HCRTR2: variants seen among roughly 807,000 people sequenced by gnomAD.
HCRTR2 encodes the protein hypocretin receptor 2.
In HCRTR2, 22 loss-of-function variants were observed where a neutral mutation model predicts 49.0. The ratio of observed to expected loss-of-function variants is 0.45; its 90% CI spans 0.32 to 0.64. The LOEUF (loss-of-function observed/expected upper bound fraction) is 0.64. Among genes scored for constraint, HCRTR2 ranks in the 30% least tolerant of loss-of-function variants. The pLI is 0.04. For missense variants in HCRTR2, 491 were observed against 559.4 expected, an observed-to-expected ratio of 0.88 and a Z score of 1.23; for synonymous variants, 236 against 205.3, an observed-to-expected ratio of 1.15 and a Z score of -1.28.
chr6:55,165,744 A>ATATATATATATATATAT, intron 1 of HCRTR2, among the ~76,000 whole-genome samples: 1 of 128,502 alleles, frequency 7.8e-6, no homozygotes, highest in South Asian at 2.5e-4. Context: ...TAGTATACAG[A>ATATATATATATATATAT]ATATATATAT....
At chr6:55,142,539 T>C (rs538652136) in intron 1 of HCRTR2, among the ~76,000 whole-genome samples, 2 of 152,178 alleles carry the variant, frequency 1.3e-5, no homozygotes, top group African/African-American at 2.4e-5. Context: ...AATATTTTTA[T>C]ATTTAATGCA....
At chr6:55,245,991 T>C (rs921034496) in intron 1 of HCRTR2, among the ~76,000 whole-genome samples, 1 of 152,012 alleles carries the variant, frequency 6.6e-6, no homozygotes, top group Non-Finnish European at 1.5e-5. Context: ...CTGGGATCCT[T>C]ATGAGATGAT....
chr6:55,119,620 ATG>A (rs891512934), intron 1 of HCRTR2, among the ~76,000 whole-genome samples: 23 of 91,984 alleles, frequency 2.5e-4, no homozygotes, highest in African/African-American at 8.7e-4. Flanking sequence ...TTCATTTTTG[ATG>A]TTTTTTTTTT....
chr6:55,223,682 C>G (rs1045414902), intron 1 of HCRTR2, among the ~76,000 whole-genome samples: 12 of 151,674 alleles, frequency 7.9e-5, no homozygotes, highest in Non-Finnish European at 2.9e-5. Context: ...GTTTTTCAAC[C>G]TCTATATGGC....
intron 1 of HCRTR2, among the ~76,000 whole-genome samples, chr6:55,111,207 A>G (rs1764044034): frequency 6.6e-6 from 1 of 152,054 alleles, no homozygotes; most frequent in Non-Finnish European, 1.5e-5. Context: ...AAATGCCTAC[A>G]TCAAAAAGTC....
At chr6:55,127,025 C>T (rs977924577) in intron 1 of HCRTR2, among the ~76,000 whole-genome samples, 1 of 152,088 alleles carries the variant, frequency 6.6e-6, no homozygotes, top group Non-Finnish European at 1.5e-5. Flanking sequence ...TGGGACCCAC[C>T]GAGCTGACCA....
intron 1 of HCRTR2, among the ~76,000 whole-genome samples, chr6:55,195,068 T>C (rs1156233432): frequency 1.3e-5 from 2 of 151,974 alleles, no homozygotes; most frequent in Non-Finnish European, 2.9e-5. Flanking sequence ...AGGAAAATGA[T>C]AATTATCAGA....
chr6:55,225,697 C>A (rs367898817), intron 1 of HCRTR2, among the ~76,000 whole-genome samples: 5 of 152,260 alleles, frequency 3.3e-5, no homozygotes, highest in African/African-American at 1.2e-4. Flanking sequence ...TTTTAAGATA[C>A]ATGAAGGTTA....
chr6:55,247,477 T>C (rs932951289), intron 1 of HCRTR2, among the ~76,000 whole-genome samples: 1 of 152,078 alleles, frequency 6.6e-6, no homozygotes, highest in Non-Finnish European at 1.5e-5. Flanking sequence ...CAAAATTAGG[T>C]TTTATTTATT....
chr6:55,186,480 G>A (rs1765217980), intron 1 of HCRTR2, among the ~76,000 whole-genome samples: 1 of 152,164 alleles, frequency 6.6e-6, no homozygotes, highest in Admixed American at 6.5e-5. Flanking sequence ...ACATGACTAA[G>A]TGATTTATAC....
chr6:55,203,977 A>G (rs1412009413), intron 1 of HCRTR2, among the ~76,000 whole-genome samples: 2 of 152,160 alleles, frequency 1.3e-5, no homozygotes, highest in Admixed American at 6.5e-5. Flanking sequence ...CTTTTGCTGA[A>G]TTGAAAATTG....
chr6:55,163,135 G>A (rs1012506701), intron 1 of HCRTR2, among the ~76,000 whole-genome samples: 3 of 152,010 alleles, frequency 2.0e-5, no homozygotes, highest in Non-Finnish European at 4.4e-5. Flanking sequence ...ACTTGGAGAG[G>A]CTGAGGCAGG....
In HCRTR2 at chr6:55,263,178, A is replaced by G. The variant is rs73443269; in HGVS notation, c.647-529A>G. Among the ~76,000 whole-genome samples, 503 of 152,188 alleles carry G rather than the reference A, an allele frequency of 3.3e-3. 1 individual carries two copies. Among genetic ancestry groups the G allele is most frequent in the African/African-American group, 0.011 (471 of 41,544 alleles). On this transcript the variant is annotated intron_variant, in intron 3 of 6. Coordinates refer to ENST00000370862, the MANE Select transcript of HCRTR2 (RefSeq NM_001384272.1). ...CAAATTTGTATTGTATTTAGTTTTC[A>G]AAATTTTTTTCACATTTGTATTTGG...
At chr6:55,154,406 C>G (rs1015649049) in intron 1 of HCRTR2, among the ~76,000 whole-genome samples, 5 of 151,760 alleles carry the variant, frequency 3.3e-5, no homozygotes, top group African/African-American at 1.2e-4. Context: ...TTCAACAGTA[C>G]ATTAAAAAGA....
At chr6:55,125,596 T>C (rs1178256907) in intron 1 of HCRTR2, among the ~76,000 whole-genome samples, 3 of 152,074 alleles carry the variant, frequency 2.0e-5, no homozygotes, top group East Asian at 3.9e-4. Context: ...GTGTCTTGGG[T>C]TTGCTTTTCT....
At chr6:55,215,987 G>A (rs549275779) in intron 1 of HCRTR2, among the ~76,000 whole-genome samples, 3 of 152,210 alleles carry the variant, frequency 2.0e-5, no homozygotes, top group African/African-American at 7.2e-5. Context: ...CCTTCTTATT[G>A]CATCATAACA....
At chr6:55,258,356 T>A (rs555982587) in intron 3 of HCRTR2, among the ~76,000 whole-genome samples, 1 of 152,150 alleles carries the variant, frequency 6.6e-6, no homozygotes, top group Admixed American at 6.6e-5. Context: ...AAAAGCAATT[T>A]GGTCAGTTGA....
At chr6:55,119,556 G>A (rs72967865) in intron 1 of HCRTR2, among the ~76,000 whole-genome samples, 1,537 of 151,344 alleles carry the variant, frequency 0.01, 13 homozygotes, top group Non-Finnish European at 0.017. Flanking sequence ...TTTTTCATAC[G>A]TCTGTTCACT....
intron 3 of HCRTR2, 27 bp from the exon 4 acceptor site, chr6:55,263,680 G>A (rs765881455): frequency 8.2e-7 from 1 of 1,224,040 alleles, no homozygotes; most frequent in Admixed American, 1.7e-5. Flanking sequence ...GTAACGTAAG[G>A]TTTTGTTGTT....
Sources: allele counts gnomAD v4.1 joint callset (sites outside exome capture counted in the v4.1 genomes callset), GRCh38; gene constraint gnomAD v4.1.1; transcripts MANE v1.5; gene names NCBI Gene and HGNC (gene_info 2026-07-23, HGNC 2026-07-21).